Variants in COPG2 observed in about 807,000 individuals in gnomAD.
The protein encoded by COPG2 is coat protein complex I subunit gamma 2, also known as coatomer subunit gamma-2.
Under a neutral mutation model 46.3 loss-of-function variants are expected in COPG2, and 37 were observed. The observed-to-expected ratio is 0.80, with a 90% CI of 0.61 to 1.05. The LOEUF is 1.05. COPG2 is among the 50% of genes least tolerant of loss of function. The probability of loss-of-function intolerance (pLI) is 0.00; values close to 1 mark genes in which losing one functional copy is unlikely to be tolerated. For synonymous variants in COPG2, 159 were observed against 129.7 expected (o/e 1.23, Z -1.53); for missense variants, 427 against 387.8 (o/e 1.10, Z -0.85).
At position 130,600,137 on chromosome 7, in the gene COPG2, T is replaced by C. The variant is rs1245908183; in HGVS notation, c.737+10816A>G. ...GATCAAGAGGACTTAGTTTCCTGTA[T>C]TAAGATTTTGATGTGCATATTTTGA... On this transcript the variant is annotated intron_variant, in intron 9 of 23. Transcript: ENST00000425248. Among the ~76,000 whole-genome samples, 3 of 152,222 alleles carry C rather than the reference T, an allele frequency of 2.0e-5. No homozygotes were observed. The East Asian group carries it at 5.8e-4, about 29-fold the overall frequency.
intron 20 of COPG2, among the ~76,000 whole-genome samples, chr7:130,531,791 C>T (rs1021371290): frequency 7.1e-6 from 1 of 140,270 alleles, no homozygotes; most frequent in African/African-American, 2.7e-5. Flanking sequence ...CCAAGGTGGT[C>T]GCAGGGAGTC....
intron 9 of COPG2, 99 bp downstream of exon 9, chr7:130,610,854 G>T: frequency 8.5e-7 from 1 of 1,173,134 alleles, no homozygotes; most frequent in Non-Finnish European, 1.3e-6. Context: ...CATCTGTAAA[G>T]TTAGCACTGC....
At chr7:130,645,410 G>A (rs782444870) in intron 5 of COPG2, 4 of 493,812 alleles carry the variant, frequency 8.1e-6, no homozygotes, top group African/African-American at 4.0e-5. Flanking sequence ...TCCACCCGTC[G>A]GTGTCCATGG....
chr7:130,524,343 A>G (rs1387145882), intron 20 of COPG2, among the ~76,000 whole-genome samples: 3 of 152,078 alleles, frequency 2.0e-5, no homozygotes, highest in Non-Finnish European at 4.4e-5. Flanking sequence ...TTGTGCTGAA[A>G]AAATGCAGGA....
intron 12 of COPG2, among the ~76,000 whole-genome samples, chr7:130,559,853 T>C (rs1388858098): frequency 2.0e-5 from 3 of 152,196 alleles, no homozygotes; most frequent in Admixed American, 6.5e-5. Flanking sequence ...AGAGAGTAAA[T>C]AGGGTTAGTT....
chr7:130,659,470 G>A (rs573904289), intron 4 of COPG2, among the ~76,000 whole-genome samples: 1 of 151,998 alleles, frequency 6.6e-6, no homozygotes, highest in East Asian at 1.9e-4. Flanking sequence ...TTTGTAATAG[G>A]TAAAATGTGG....
chr7:130,523,251 C>T (rs974249029), intron 20 of COPG2, among the ~76,000 whole-genome samples: 3 of 150,366 alleles, frequency 2.0e-5, no homozygotes, highest in Non-Finnish European at 4.4e-5. Flanking sequence ...GGGTTTCACC[C>T]GAGGGAGGGC....
chr7:130,539,428 C>G (rs1200079280), intron 20 of COPG2, among the ~76,000 whole-genome samples: 2 of 152,114 alleles, frequency 1.3e-5, no homozygotes, highest in African/African-American at 4.8e-5. Context: ...AGTGGAAGAT[C>G]TGGAGGAGCA....
chr7:130,573,519 C>T (rs954495722), intron 9 of COPG2, among the ~76,000 whole-genome samples: 1 of 151,752 alleles, frequency 6.6e-6, no homozygotes. Flanking sequence ...ATCACAGGAA[C>T]GTAAAAGTGG....
At position 130,668,707 on chromosome 7, in the gene COPG2, TC is replaced by T; in HGVS notation, c.-40del. 6.6e-7 allele frequency: 1 copy of T among 1,513,422 alleles called. No homozygotes were observed. Among genetic ancestry groups the T allele is most frequent in the Non-Finnish European group, 8.8e-7 (1 of 1,131,000 alleles). 93.7% of individuals were successfully genotyped at this position (1,513,422 alleles called of 1,614,324 possible). On this transcript the variant is annotated 5_prime_UTR_variant, in exon 1 of 24. Coordinates refer to ENST00000425248, the MANE Select transcript of COPG2 (RefSeq NM_012133.6). The stretch of plus-strand genomic sequence containing the variant: ...CCAGCGCCCAGACCCACCGCAACCG[TC>T]CCAGGCGCCGCAGCCGGCGAGCGGA...
intron 9 of COPG2, among the ~76,000 whole-genome samples, chr7:130,588,095 GA>G (rs1275799793): frequency 1.3e-5 from 2 of 151,502 alleles, no homozygotes; most frequent in African/African-American, 4.9e-5. Context: ...ACCACAATGA[GA>G]TACCATCTCA....
chr7:130,508,781 T>C, intron 20 of COPG2, 122 bp from the exon 21 acceptor site: 2 of 622,860 alleles, frequency 3.2e-6, no homozygotes, highest in Non-Finnish European at 2.9e-6. Flanking sequence ...CCCTGTTGTC[T>C]GGGGTAGTGG....
At chr7:130,547,014 G>A (rs1793454851) in intron 20 of COPG2, 1 of 152,144 alleles carries the variant, frequency 6.6e-6, no homozygotes, top group South Asian at 2.1e-4. Context: ...GAATCAAGTA[G>A]AATAAATACT....
Position 130,668,682 on chromosome 7 carries a change from C to T in COPG2, c.-14G>A. The T allele has an allele frequency of 1.3e-6, 2 of 1,533,430 alleles. No individual in the cohort carries two copies. Among genetic ancestry groups the T allele is most frequent in the Non-Finnish European group, 8.8e-7 (1 of 1,141,576 alleles). 95.0% of individuals were successfully genotyped at this position (1,533,430 alleles called of 1,614,324 possible). On this transcript the variant is annotated 5_prime_UTR_variant, in exon 1 of 24. Coordinates refer to ENST00000425248, the MANE Select transcript of COPG2 (RefSeq NM_012133.6). ...TTTTTTAATCATCTTGGACGACTTC[C>T]CAGCGCCCAGACCCACCGCAACCGT...
intron 4 of COPG2, among the ~76,000 whole-genome samples, chr7:130,659,914 A>G (rs1795942029): frequency 6.6e-6 from 1 of 152,186 alleles, no homozygotes; most frequent in African/African-American, 2.4e-5. Flanking sequence ...CAACAACAAC[A>G]ACATTGCAAA....
At chr7:130,549,530 G>A (rs1365905467) in intron 17 of COPG2, among the ~76,000 whole-genome samples, 154 bp from the exon 18 acceptor site, 5 of 152,068 alleles carry the variant, frequency 3.3e-5, no homozygotes, top group African/African-American at 1.2e-4. Context: ...TTCTGGTGGG[G>A]GGACACTCAA....
chr7:130,563,344 A>AT lies in COPG2; in HGVS notation c.872-9_872-8insA, dbSNP rs1793748122. ...TACAGAAAAGTTGAAGAACTAAAAA[A>AT]AAATAATAATAATAATATGTAACAT... is the stretch of plus-strand genomic sequence containing the variant. On this transcript the variant is annotated splice_polypyrimidine_tract_variant and intron_variant, in intron 10 of 23. Transcript: ENST00000425248. 9 of 397,576 alleles carry AT rather than the reference A, an allele frequency of 2.3e-5. No homozygotes were observed. The highest frequency in any genetic ancestry group is 1.3e-4 in the Admixed American group (3 of 22,694). The allele number at this position is 397,576 out of a possible 1,614,324, so 24.6% of individuals were successfully genotyped here. A position where few individuals can be genotyped will look rare whatever the true frequency, so the allele number is the denominator to read the frequency against.
intron 20 of COPG2, among the ~76,000 whole-genome samples, chr7:130,535,663 G>A (rs1415354101): frequency 2.1e-5 from 3 of 146,234 alleles, no homozygotes; most frequent in Non-Finnish European, 4.5e-5. Flanking sequence ...GGGGTTTGGG[G>A]TGGGGTTTGG....
At chr7:130,542,388 A>G (rs1793347451) in intron 20 of COPG2, among the ~76,000 whole-genome samples, 1 of 152,056 alleles carries the variant, frequency 6.6e-6, no homozygotes, top group Non-Finnish European at 1.5e-5. Context: ...GACACAACAG[A>G]GAGAGGAAAC....
Sources: gnomAD v4.1 joint callset for allele counts (sites outside exome capture counted in the v4.1 genomes callset) on GRCh38, gnomAD v4.1.1 for gene constraint, MANE v1.5 for transcripts, NCBI Gene and HGNC (gene_info 2026-07-23, HGNC 2026-07-21) for gene names.